JAKMIP3: variants seen among roughly 807,000 people sequenced by gnomAD.
JAKMIP3 encodes the protein janus kinase and microtubule-interacting protein 3.
JAKMIP3 carries 58 observed loss-of-function variants against 118.5 expected under a neutral mutation model. The observed-to-expected ratio is 0.49, with a 90% CI of 0.40 to 0.61. The LOEUF (loss-of-function observed/expected upper bound fraction) is 0.61, where lower values mean the gene tolerates loss of function less well. JAKMIP3 is among the 20% of genes least tolerant of loss of function. JAKMIP3 has a pLI of 0.00. For missense variants in JAKMIP3, 950 were observed against 1,109.0 expected (o/e 0.86, Z 2.04); for synonymous variants, 486 against 451.2 (o/e 1.08, Z -0.98).
At chr10:132,109,133 C>CATAT (rs138646130) in intron 2 of JAKMIP3, among the ~76,000 whole-genome samples, 16 of 117,258 alleles carry the variant, frequency 1.4e-4, no homozygotes, top group African/African-American at 4.9e-4. Context: ...TACACACACA[C>CATAT]ATATATATAT....
chr10:132,108,530 C>G (rs904880077), intron 2 of JAKMIP3, among the ~76,000 whole-genome samples: 1 of 152,090 alleles, frequency 6.6e-6, no homozygotes, highest in Non-Finnish European at 1.5e-5. Context: ...AGAGAGGGCC[C>G]CTGGGCCACC....
chr10:132,068,674 G>A lies in JAKMIP3; in HGVS notation c.-138+2613G>A, dbSNP rs553281557. Reference sequence around the variant, plus strand: ...GCCTGGGCCTGCTTTCTTTGCAGACGTCTTATATTTATCAAACCTGTGCTG... The same window carrying A: ...GCCTGGGCCTGCTTTCTTTGCAGACATCTTATATTTATCAAACCTGTGCTG... On this transcript the variant is annotated intron_variant, in intron 1 of 23. Coordinates refer to ENST00000684848, the MANE Select transcript of JAKMIP3 (RefSeq NM_001323087.2). 4.7e-3 allele frequency among the ~76,000 whole-genome samples: 717 copies of A among 152,290 alleles called. 3 individuals are homozygous for A. Among genetic ancestry groups the A allele is most frequent in the Non-Finnish European group, 7.8e-3 (530 of 68,026 alleles).
Position 132,108,951 on chromosome 10 carries a change from T to C in JAKMIP3, c.135+4008T>C, listed in dbSNP as rs185652892. The stretch of plus-strand genomic sequence containing the variant: ...TACGCAAATGTATATATAAATTATA[T>C]ACGCAAATGTATATATAAATTATAT... On this transcript the variant is annotated intron_variant, in intron 2 of 23. Coordinates refer to ENST00000684848, the MANE Select transcript of JAKMIP3 (RefSeq NM_001323087.2). Among the ~76,000 whole-genome samples the C allele has an allele frequency of 1.8e-3, 265 of 143,886 alleles. 11 individuals are homozygous for C. The highest frequency in any genetic ancestry group is 7.0e-3 in the African/African-American group (249 of 35,820). 94.4% of individuals were successfully genotyped at this position (143,886 alleles called of 152,430 possible).
chr10:132,056,507 G>T (rs1408799255), intron 1 of JAKMIP3, among the ~76,000 whole-genome samples: 2 of 152,300 alleles, frequency 1.3e-5, no homozygotes, highest in East Asian at 1.9e-4. Context: ...CATCCCCTTT[G>T]TGGCTCTGCT....
chr10:132,136,080 A>AG lies in JAKMIP3; in HGVS notation c.1116+9dup. The AG allele has an allele frequency of 1.3e-6, 2 of 1,593,922 alleles. No homozygotes were observed. The highest frequency in any genetic ancestry group is 8.6e-7 in the Non-Finnish European group (1 of 1,163,366). ...CACCCAGGAGAACATAGAAATGGTG[A>AG]GGGGGTGGGGGGCTCCACGGGGCCA... is the stretch of plus-strand genomic sequence containing the variant. On this transcript the variant is annotated splice_donor_region_variant and intron_variant, in intron 6 of 23. Transcript: ENST00000684848.
chr10:132,065,502 C>G (rs1004017599), upstream of JAKMIP3, among the ~76,000 whole-genome samples: 2 of 152,062 alleles, frequency 1.3e-5, no homozygotes, highest in African/African-American at 4.8e-5. This position sits in a 1 kb window ranked among gnomAD's most constrained non-coding sequence, Gnocchi z 5.6. Context: ...GAGGGAAAGC[C>G]GGCCAGAACG....
At chr10:132,051,994 G>C (rs2038118777) in intron 1 of JAKMIP3, among the ~76,000 whole-genome samples, 1 of 152,218 alleles carries the variant, frequency 6.6e-6, no homozygotes, top group Non-Finnish European at 1.5e-5. Flanking sequence ...GGCAGAGGCA[G>C]GAGGATCATT....
intron 1 of JAKMIP3, among the ~76,000 whole-genome samples, chr10:132,103,437 T>TG (rs1425700349): frequency 2.9e-5 from 2 of 67,896 alleles, no homozygotes; most frequent in African/African-American, 6.5e-5. Context: ...GAGGAGCACC[T>TG]GGGGGAGAGG....
At chr10:132,174,992 C>T (rs925479136) in intron 23 of JAKMIP3, among the ~76,000 whole-genome samples, 2 of 152,136 alleles carry the variant, frequency 1.3e-5, no homozygotes, top group African/African-American at 4.8e-5. Flanking sequence ...GAGGCTCTTC[C>T]TCTATTCTGG....
At chr10:132,073,534 T>C (rs1000330856) in intron 1 of JAKMIP3, among the ~76,000 whole-genome samples, 3 of 151,552 alleles carry the variant, frequency 2.0e-5, no homozygotes, top group African/African-American at 7.3e-5. Flanking sequence ...TCTTGCTCTG[T>C]TGCCCAGGCA....
chr10:132,180,582 TGCGC>T lies in JAKMIP3; in HGVS notation c.*1104-1773_*1104-1770del, dbSNP rs1554962877. On this transcript the variant is annotated intron_variant, in intron 23 of 23. Transcript: ENST00000684848. ...GCGTGTGTGTGCGTGTGTGTGTGCGTGCGCGTGTGTGTGTGCGTGCGCGTGTGTG... is the reference window on the plus strand; with the variant it reads ...GCGTGTGTGTGCGTGTGTGTGTGCGTGTGTGTGTGTGCGTGCGCGTGTGTG... Among the ~76,000 whole-genome samples, 42 of 21,284 alleles carry T rather than the reference TGCGC, an allele frequency of 2.0e-3. 8 individuals are homozygous for T. Among genetic ancestry groups the T allele is most frequent in the East Asian group, 6.7e-3 (7 of 1,040 alleles). The allele number at this position is 21,284 out of a possible 152,430, so 14.0% of individuals were successfully genotyped here. A position where few individuals can be genotyped will look rare whatever the true frequency, so the allele number is the denominator to read the frequency against.
Position 132,166,974 on chromosome 10 carries a change from C to T in JAKMIP3, c.2491-9C>T. ...CTTCCGTTTCTCCATCCTCCCCTTT[C>T]CGTTTCAGTTTCTATTTTTGTTCTT... is the stretch of plus-strand genomic sequence containing the variant. On this transcript the variant is annotated splice_polypyrimidine_tract_variant and intron_variant, in intron 21 of 23. Transcript: ENST00000684848. 6.5e-7 allele frequency: 1 copy of T among 1,534,824 alleles called. No homozygotes were observed. Among genetic ancestry groups the T allele is most frequent in the Non-Finnish European group, 8.8e-7 (1 of 1,131,944 alleles).
chr10:132,038,986 C>T (rs1230159066), intron 1 of JAKMIP3, among the ~76,000 whole-genome samples: 1 of 152,064 alleles, frequency 6.6e-6, no homozygotes, highest in Non-Finnish European at 1.5e-5. Context: ...ACCCTTCACC[C>T]AGCGGAGCCG....
chr10:132,071,905 C>CTTT (rs1389861156), intron 1 of JAKMIP3, among the ~76,000 whole-genome samples: 2 of 91,238 alleles, frequency 2.2e-5, no homozygotes, highest in Admixed American at 2.6e-4. Context: ...TTCTTTCTTC[C>CTTT]CTTCCTTCCT....
chr10:132,153,997 G>A lies in JAKMIP3; in HGVS notation c.2220+7G>A. On this transcript the variant is annotated splice_region_variant and intron_variant, in intron 19 of 23. Coordinates refer to ENST00000684848, the MANE Select transcript of JAKMIP3 (RefSeq NM_001323087.2). ...CTTGGACCAGGCCAACAAGGTGAGA[G>A]GCACGAGACTGCTGGAACCCCGGGG... 1 of 1,612,552 alleles carries A rather than the reference G, an allele frequency of 6.2e-7. No individual in the cohort carries two copies. The highest frequency in any genetic ancestry group is 2.2e-5 in the East Asian group (1 of 44,872).
intron 16 of JAKMIP3, among the ~76,000 whole-genome samples, chr10:132,151,528 T>A (rs1029488567): frequency 6.6e-6 from 1 of 152,154 alleles, no homozygotes; most frequent in Non-Finnish European, 1.5e-5. Context: ...CACAGCAGGG[T>A]GGCCGTGGAC....
chr10:132,122,725 G>A lies in JAKMIP3; in HGVS notation c.633+5151G>A, dbSNP rs114267849. ...GCCAACAGACACCCCAGACAAGCAC[G>A]GTCGCTGCTGCCAGGGCAGGGCTGG... On this transcript the variant is annotated intron_variant, in intron 3 of 23. Transcript: ENST00000684848. Among the ~76,000 whole-genome samples, 1,054 of 152,272 alleles carry A rather than the reference G, an allele frequency of 6.9e-3. 16 individuals carry two copies. Among genetic ancestry groups the A allele is most frequent in the African/African-American group, 0.023 (965 of 41,544 alleles).
intron 16 of JAKMIP3, among the ~76,000 whole-genome samples, chr10:132,150,684 T>C (rs1195258377): frequency 7.0e-6 from 1 of 143,436 alleles, no homozygotes; most frequent in Non-Finnish European, 1.5e-5. Context: ...CACAATTCAT[T>C]TATCCGTCCT....
intron 1 of JAKMIP3, among the ~76,000 whole-genome samples, chr10:132,076,834 G>T (rs1348759199): frequency 6.6e-6 from 1 of 151,642 alleles, no homozygotes; most frequent in East Asian, 1.9e-4. Flanking sequence ...GGACTGGCCT[G>T]CAGTGGCCCC....
Sources: allele counts gnomAD v4.1 joint callset (sites outside exome capture counted in the v4.1 genomes callset), GRCh38; gene constraint gnomAD v4.1.1; non-coding constraint Gnocchi (gnomAD v3.1); transcripts MANE v1.5; gene names NCBI Gene and HGNC (gene_info 2026-07-23, HGNC 2026-07-21).